Variants in MICU1 observed in about 807,000 individuals in gnomAD.
MICU1 encodes the protein mitochondrial calcium uptake 1, also known as calcium uptake protein 1, mitochondrial.
Under a neutral mutation model 56.8 loss-of-function variants are expected in MICU1, and 45 were observed. The ratio of observed to expected loss-of-function variants is 0.79; its 90% CI spans 0.62 to 1.02. MICU1 has a LOEUF of 1.02. Among genes scored for constraint, MICU1 ranks in the 50% least tolerant of loss-of-function variants. The pLI is 0.00. For synonymous variants in MICU1, 186 were observed against 195.1 expected (o/e 0.95, Z 0.39); for missense variants, 504 against 587.1 (o/e 0.86, Z 1.46).
chr10:72,624,509 T>C (rs771592252), intron 1 of MICU1, among the ~76,000 whole-genome samples: 2 of 152,186 alleles, frequency 1.3e-5, no homozygotes, highest in Non-Finnish European at 2.9e-5. Context: ...AAAGTTAGTC[T>C]CAAGATGCAC....
chr10:72,622,557 T>A (rs147922657), intron 1 of MICU1, among the ~76,000 whole-genome samples: 1 of 152,274 alleles, frequency 6.6e-6, no homozygotes, highest in Non-Finnish European at 1.5e-5. Flanking sequence ...GAAATTCTCT[T>A]TCTTCTTGGG....
chr10:72,375,953 G>C, intron 10 of MICU1, 81 bp from the exon 11 acceptor site: 3 of 1,272,122 alleles, frequency 2.4e-6, no homozygotes, highest in Non-Finnish European at 3.3e-6. Context: ...AAACGACTCA[G>C]TCATAATACA....
intron 5 of MICU1, chr10:72,509,462 T>C: frequency 2.4e-6 from 3 of 1,256,470 alleles, no homozygotes; most frequent in South Asian, 2.5e-5. Flanking sequence ...CAACTGAAAA[T>C]ACAAGTACCA....
At chr10:72,379,551 C>G (rs1589152854) in intron 10 of MICU1, 1 of 431,284 alleles carries the variant, frequency 2.3e-6, no homozygotes. Flanking sequence ...ATTTCAAGTA[C>G]TCATCTTCTC....
intron 5 of MICU1, among the ~76,000 whole-genome samples, chr10:72,510,590 T>G (rs1001459227): frequency 6.6e-6 from 1 of 152,194 alleles, no homozygotes; most frequent in Admixed American, 6.5e-5. Flanking sequence ...CAGTGTATAT[T>G]TAATAAAACC....
At chr10:72,387,704 T>G (rs1002772435) in intron 10 of MICU1, among the ~76,000 whole-genome samples, 3 of 146,822 alleles carry the variant, frequency 2.0e-5, no homozygotes, top group Non-Finnish European at 4.5e-5. Context: ...CTAATAAAAA[T>G]GTCAAAAGTG....
intron 7 of MICU1, 144 bp downstream of exon 7, chr10:72,477,030 A>C (rs1259034720): frequency 1.8e-6 from 1 of 544,666 alleles, no homozygotes; most frequent in Non-Finnish European, 3.1e-6. Flanking sequence ...TGTTCAAAGA[A>C]TAATTTTGAG....
At chr10:72,546,532 C>T (rs977492893) in intron 4 of MICU1, among the ~76,000 whole-genome samples, 1 of 152,164 alleles carries the variant, frequency 6.6e-6, no homozygotes, top group Admixed American at 6.5e-5. Flanking sequence ...TACACTGGAG[C>T]CTCTCTGAAC....
At chr10:72,583,203 C>T (rs1186344036) in intron 1 of MICU1, 1 of 150,552 alleles carries the variant, frequency 6.6e-6, no homozygotes, top group African/African-American at 2.4e-5. Flanking sequence ...GTGGAAAGGG[C>T]TCAACATAGG....
At chr10:72,576,107 G>A (rs752347046) in intron 1 of MICU1, among the ~76,000 whole-genome samples, 2 of 151,774 alleles carry the variant, frequency 1.3e-5, no homozygotes, top group Non-Finnish European at 2.9e-5. Flanking sequence ...CCAGCTATTC[G>A]GGAGGCTGAA....
At chr10:72,478,345 T>C (rs1382340386) in intron 6 of MICU1, among the ~76,000 whole-genome samples, 1 of 152,188 alleles carries the variant, frequency 6.6e-6, no homozygotes, top group Non-Finnish European at 1.5e-5. Context: ...AGTCATAATA[T>C]CATTAATATA....
intron 8 of MICU1, among the ~76,000 whole-genome samples, chr10:72,423,650 TC>T (rs1864251796): frequency 6.6e-6 from 1 of 152,196 alleles, no homozygotes; most frequent in African/African-American, 2.4e-5. Flanking sequence ...TGGGCTGCAT[TC>T]CCAGGAAGTT....
intron 5 of MICU1, among the ~76,000 whole-genome samples, chr10:72,528,940 A>G (rs1839398643): frequency 6.6e-6 from 1 of 152,224 alleles, no homozygotes; most frequent in African/African-American, 2.4e-5. Flanking sequence ...ACTTTCACCT[A>G]GTAAAAGAGA....
intron 1 of MICU1, among the ~76,000 whole-genome samples, chr10:72,600,292 CA>C (rs57782974): frequency 4.4e-4 from 54 of 122,376 alleles, no homozygotes; most frequent in East Asian, 1.7e-3. Context: ...AACTCCATCT[CA>C]AAAAAAAAAA....
At chr10:72,592,476 CT>C (rs2132530256) in intron 1 of MICU1, among the ~76,000 whole-genome samples, 1 of 152,308 alleles carries the variant, frequency 6.6e-6, no homozygotes, top group African/African-American at 2.4e-5. Context: ...CTAACTCATT[CT>C]TTGAGGCCAA....
In MICU1 at chr10:72,490,220, T is replaced by C. The variant is rs145845616; in HGVS notation, c.653-12964A>G. The stretch of plus-strand genomic sequence containing the variant: ...ACTGTAGCTGCTCTACATATATATA[T>C]GTCTATGTATGTATGTATATGTATG... On this transcript the variant is annotated intron_variant, in intron 6 of 11. Coordinates refer to ENST00000361114, the MANE Select transcript of MICU1 (RefSeq NM_001195518.2). Among the ~76,000 whole-genome samples the C allele has an allele frequency of 2.7e-3, 410 of 152,342 alleles. 4 individuals are homozygous for C. Among genetic ancestry groups the C allele is most frequent in the African/African-American group, 9.4e-3 (389 of 41,580 alleles).
intron 10 of MICU1, among the ~76,000 whole-genome samples, chr10:72,402,022 C>T (rs1863471442): frequency 6.6e-6 from 1 of 152,048 alleles, no homozygotes; most frequent in Non-Finnish European, 1.5e-5. Flanking sequence ...CAAGATTGTT[C>T]TATATCTTCC....
chr10:72,409,471 G>A (rs1367792295), intron 9 of MICU1, among the ~76,000 whole-genome samples: 3 of 152,196 alleles, frequency 2.0e-5, no homozygotes, highest in African/African-American at 7.2e-5. Flanking sequence ...AAGGCAGGAG[G>A]ATCACTTGAG....
At chr10:72,506,087 A>G (rs1465035879) in intron 6 of MICU1, among the ~76,000 whole-genome samples, 1 of 152,080 alleles carries the variant, frequency 6.6e-6, no homozygotes, top group Non-Finnish European at 1.5e-5. Context: ...AAAGTAACTT[A>G]CAAAGTAAGC....
Sources: gnomAD v4.1 joint callset for allele counts (sites outside exome capture counted in the v4.1 genomes callset) on GRCh38, gnomAD v4.1.1 for gene constraint, MANE v1.5 for transcripts, NCBI Gene and HGNC (gene_info 2026-07-23, HGNC 2026-07-21) for gene names.